SNED1: variants seen among roughly 807,000 people sequenced by gnomAD.
SNED1 encodes sushi, nidogen and EGF-like domain-containing protein 1.
A neutral mutation model predicts 166.7 loss-of-function variants in SNED1; 81 were observed. The observed-to-expected ratio is 0.49, with a 90% CI of 0.41 to 0.58. The LOEUF (loss-of-function observed/expected upper bound fraction) is 0.58. Ranked by LOEUF, SNED1 falls within the 20% of genes least tolerant of loss-of-function variation. The pLI, the probability that SNED1 is intolerant of heterozygous loss-of-function variation, is 0.00. For synonymous variants in SNED1, 762 were observed against 822.0 expected (o/e 0.93, Z 1.25); for missense variants, 1,604 against 2,000.2 (o/e 0.80, Z 3.78).
At chr2:241,019,846 G>A (rs2060718225) in intron 1 of SNED1, among the ~76,000 whole-genome samples, 2 of 152,188 alleles carry the variant, frequency 1.3e-5, no homozygotes, top group Non-Finnish European at 2.9e-5. Context: ...ACCGCAGACT[G>A]GGGCAGCAGG....
chr2:241,033,987 C>T (rs781334401), intron 3 of SNED1, 112 bp downstream of exon 3: 5 of 1,281,282 alleles, frequency 3.9e-6, no homozygotes, highest in African/African-American at 1.5e-5. Flanking sequence ...CCCCCAGTAC[C>T]GTGCAGAGGC....
chr2:241,064,884 C>G lies in SNED1; in HGVS notation c.2640C>G (p.Gly880=), dbSNP rs1220003664. The G allele has an allele frequency of 6.3e-7, 1 of 1,587,186 alleles. No individual in the cohort carries two copies. The highest frequency in any genetic ancestry group is 2.0e-5 in the Admixed American group (1 of 51,240). The change falls in exon 20 of 32, where the codon GGC becomes GGG. Residue 880 remains glycine, a synonymous_variant. Transcript: ENST00000310397. The surrounding 1 kb of genome is among the most constrained non-coding windows in gnomAD (Gnocchi z 7.0). The part of the protein sequence containing the change: ...PCFSSPCGGR[G]YCLASNGSHS... ...TCTCCAGCCCCTGTGGGGGCCGTGG[C>G]TATTGCCTGGCCAGCAACGGCTCCC...
At chr2:241,063,922 A>C (rs1449419791) in intron 18 of SNED1, 90 bp from the exon 19 acceptor site, 2 of 1,011,760 alleles carry the variant, frequency 2.0e-6, no homozygotes, top group Non-Finnish European at 3.0e-6. Context: ...CCGCCCCTAG[A>C]CTCCTCCTTT....
rs2061841975 is a variant in SNED1, at chr2:241,051,590, G to A, written c.1736-154G>A. 6 of 564,638 alleles carry A rather than the reference G, an allele frequency of 1.1e-5. No individual in the cohort carries two copies. Among genetic ancestry groups the A allele is most frequent in the East Asian group, 3.0e-5 (1 of 33,588 alleles). The allele number at this position is 564,638 out of a possible 1,614,324, so 35.0% of individuals were successfully genotyped here. On this transcript the variant is annotated intron_variant, in intron 12 of 31. Coordinates refer to ENST00000310397, the MANE Select transcript of SNED1 (RefSeq NM_001080437.3). The surrounding 1 kb of genome is among the most constrained non-coding windows in gnomAD (Gnocchi z 4.7). Reference sequence around the variant, plus strand: ...CCACCCCAGCCCCCACCATGTGTGCGGACCTGCTTGGCCCCTGCTGCAGCC... The same window carrying A: ...CCACCCCAGCCCCCACCATGTGTGCAGACCTGCTTGGCCCCTGCTGCAGCC...
At chr2:241,048,471 A>T in intron 9 of SNED1, 31 bp downstream of exon 9, 1 of 1,572,260 alleles carries the variant, frequency 6.4e-7, no homozygotes, top group Non-Finnish European at 8.6e-7. Flanking sequence ...CTGCCGTTTT[A>T]GGGCTGGGGC....
Position 241,034,572 on chromosome 2 carries a change from G to C in SNED1, c.647G>C (p.Gly216Ala). The C allele has an allele frequency of 6.3e-7, 1 of 1,593,816 alleles. No individual in the cohort carries two copies. The highest frequency in any genetic ancestry group is 8.6e-7 in the Non-Finnish European group (1 of 1,167,226). The change falls in exon 4 of 32, where the codon GGC becomes GCC. Residue 216 changes from glycine (G) to alanine (A), a missense_variant. This residue lies in a region of SNED1 where 1,237 missense variants were observed against 1,620.8 expected (regional missense o/e 0.76). Transcript: ENST00000310397. ...CTGCCCCCACCCCACCCCCAGGCTG[G>C]CTTCAACGCAGGCGATGGGCAGCGT... ...TGLGGIAAQA[G>A]FNAGDGQRYF...
At chr2:241,003,380 G>T (rs555109098) in intron 1 of SNED1, among the ~76,000 whole-genome samples, 2 of 152,308 alleles carry the variant, frequency 1.3e-5, no homozygotes, top group East Asian at 3.9e-4. Flanking sequence ...CCCCTGCTGA[G>T]GCCAGAGGAT....
chr2:241,004,312 G>A (rs2060157594), intron 1 of SNED1, among the ~76,000 whole-genome samples: 2 of 152,164 alleles, frequency 1.3e-5, no homozygotes, highest in Admixed American at 1.3e-4. Flanking sequence ...AAAAAAAGAA[G>A]TGTAGTACTG....
Position 241,037,162 on chromosome 2 carries a change from C to T in SNED1, c.932-78C>T, listed in dbSNP as rs1464047426. 2.1e-5 allele frequency: 27 copies of T among 1,287,076 alleles called. No homozygotes were observed. In the South Asian group the frequency reaches 3.1e-4, roughly 15 times the overall value. The allele number at this position is 1,287,076 out of a possible 1,614,324, so 79.7% of individuals were successfully genotyped here. A position where few individuals can be genotyped will look rare whatever the true frequency, so the allele number is the denominator to read the frequency against. ...CTCGGGCTTGCTCCTCCTCCGTCCC[C>T]GGCCCAACCCGAGCCCTTAGAGAAA... On this transcript the variant is annotated intron_variant, in intron 5 of 31. Transcript: ENST00000310397.
intron 1 of SNED1, among the ~76,000 whole-genome samples, chr2:241,007,211 A>T (rs1485624637): frequency 6.6e-6 from 1 of 152,228 alleles, no homozygotes; most frequent in African/African-American, 2.4e-5. Context: ...GCAGAGGGTC[A>T]TGAGGTCTAC....
chr2:241,037,496 G>A (rs1300610680), intron 6 of SNED1, 143 bp downstream of exon 6: 3 of 629,544 alleles, frequency 4.8e-6, no homozygotes, highest in African/African-American at 3.7e-5. Flanking sequence ...CCCTCGAGGA[G>A]TGGAGGAGCC....
intron 1 of SNED1, among the ~76,000 whole-genome samples, chr2:241,009,873 C>G (rs1483388840): frequency 6.6e-6 from 1 of 152,138 alleles, no homozygotes; most frequent in Admixed American, 6.5e-5. Flanking sequence ...GGTGGCTGGG[C>G]CAGGGGCCAG....
intron 1 of SNED1, among the ~76,000 whole-genome samples, chr2:241,014,933 CCCCAGCGCCGTTGTGGCTGTT>C (rs1210443820): frequency 4.6e-5 from 7 of 152,144 alleles, no homozygotes; most frequent in Non-Finnish European, 1.0e-4. Flanking sequence ...CCCCACACAC[CCCCAGCGCCGTTGTGGCTGTT>C]CCCGGGCTCT....
intron 2 of SNED1, chr2:241,033,469 G>T: frequency 2.4e-6 from 1 of 424,188 alleles, no homozygotes; most frequent in Non-Finnish European, 4.2e-6. Flanking sequence ...CCCATCTGTG[G>T]GCCCCGCACC....
chr2:241,004,784 G>A (rs888030699), intron 1 of SNED1, among the ~76,000 whole-genome samples: 4 of 152,102 alleles, frequency 2.6e-5, no homozygotes, highest in Non-Finnish European at 4.4e-5. Context: ...GTGCAGTGGC[G>A]TGATCTCGGC....
chr2:241,021,751 G>T (rs2060780537), intron 1 of SNED1, among the ~76,000 whole-genome samples: 1 of 152,102 alleles, frequency 6.6e-6, no homozygotes, highest in South Asian at 2.1e-4. Flanking sequence ...AAACATTTTT[G>T]TGTGGACATG....
At chr2:241,011,561 G>T (rs1010739826) in intron 1 of SNED1, among the ~76,000 whole-genome samples, 3 of 152,242 alleles carry the variant, frequency 2.0e-5, no homozygotes, top group Non-Finnish European at 4.4e-5. Context: ...TCGGCTGGGA[G>T]ACAGGCTAAT....
chr2:241,072,584 A>AG (rs1365996068), intron 26 of SNED1: 1 of 267,232 alleles, frequency 3.7e-6, no homozygotes, highest in Non-Finnish European at 7.2e-6. Context: ...CCTCAGGCAG[A>AG]GGAGGGAGGG....
In SNED1 at chr2:241,018,798, G is replaced by A. The variant is rs983343501; in HGVS notation, c.214-11486G>A. 1.3e-5 allele frequency among the ~76,000 whole-genome samples: 2 copies of A among 152,186 alleles called. No homozygotes were observed. On this transcript the variant is annotated intron_variant, in intron 1 of 31. Transcript: ENST00000310397. The surrounding 1 kb of genome is among the most constrained non-coding windows in gnomAD (Gnocchi z 5.4). ...TGTGTCAGCCCCACAGGAGAACCCAGGTGGCCGAACCAGAGCTGAGTGAAT... is the reference window on the plus strand; with the variant it reads ...TGTGTCAGCCCCACAGGAGAACCCAAGTGGCCGAACCAGAGCTGAGTGAAT...
Sources: gnomAD v4.1 joint callset for allele counts (sites outside exome capture counted in the v4.1 genomes callset) on GRCh38, gnomAD v4.1.1 for gene constraint, gnomAD v4.1.1 regional missense constraint, Gnocchi (gnomAD v3.1) non-coding constraint, MANE v1.5 for transcripts, NCBI Gene and HGNC (gene_info 2026-07-23, HGNC 2026-07-21) for gene names.